The following VAPB variants were observed in gnomAD, a reference collection of about 807,000 sequenced individuals.
VAPB encodes the protein vesicle-associated membrane protein-associated protein B/C.
Under a neutral mutation model 25.6 loss-of-function variants are expected in VAPB, and 7 were observed. The observed-to-expected ratio is 0.27, with a 90% CI of 0.16 to 0.51. VAPB has a LOEUF of 0.51. Among genes scored for constraint, VAPB ranks in the 20% least tolerant of loss-of-function variants. VAPB has a pLI of 0.97. For synonymous variants in VAPB, 112 were observed against 109.2 expected, an observed-to-expected ratio of 1.03 and a Z score of -0.16; for missense variants, 266 against 301.3, an observed-to-expected ratio of 0.88 and a Z score of 0.87.
intron 1 of VAPB, among the ~76,000 whole-genome samples, chr20:58,391,336 A>G (rs927670473): frequency 6.6e-5 from 10 of 152,172 alleles, no homozygotes; most frequent in African/African-American, 2.4e-4. Flanking sequence ...GGACAGGACA[A>G]TGATGTAGGG....
At chr20:58,399,235 G>A (rs964931844) in intron 1 of VAPB, among the ~76,000 whole-genome samples, 19 of 151,932 alleles carry the variant, frequency 1.3e-4, no homozygotes, top group Non-Finnish European at 2.5e-4. Flanking sequence ...GGGAGGTGGA[G>A]GTTGCAGTGA....
rs1211295006 is a variant in VAPB at position 58,449,963 on chromosome 20, T to G, written c.*5728T>G. 2.2e-6 allele frequency: 1 copy of G among 453,838 alleles called. No homozygotes were observed. The highest frequency in any genetic ancestry group is 4.4e-6 in the Non-Finnish European group (1 of 226,766). The allele number at this position is 453,838 out of a possible 1,614,324, so 28.1% of individuals were successfully genotyped here. A position where few individuals can be genotyped will look rare whatever the true frequency, so the allele number is the denominator to read the frequency against. On this transcript the variant is annotated 3_prime_UTR_variant, in exon 6 of 6. Transcript: ENST00000475243. ...TTTTTTCCCTTTGGAAAATGCCAACTAAGGGAGACTAATCAGATATCTTAA... is the reference window on the plus strand; with the variant it reads ...TTTTTTCCCTTTGGAAAATGCCAACGAAGGGAGACTAATCAGATATCTTAA...
At position 58,389,261 on chromosome 20, in the gene VAPB, C is replaced by A. The variant is rs771480765; in HGVS notation, c.-199C>A. On this transcript the variant is annotated 5_prime_UTR_variant, in exon 1 of 6. Coordinates refer to ENST00000475243, the MANE Select transcript of VAPB (RefSeq NM_004738.5). ...GTCAGCTCGCCGGGCACCGCGGCCT[C>A]GCCCTCGCCCTCCGCCCCTGCGCCT... The A allele has an allele frequency of 8.9e-6, 6 of 676,228 alleles. No homozygotes were observed. Among genetic ancestry groups the A allele is most frequent in the Non-Finnish European group, 1.3e-5 (5 of 374,946 alleles). The allele number at this position is 676,228 out of a possible 1,614,324, so 41.9% of individuals were successfully genotyped here.
At chr20:58,393,125 C>G (rs1026377394) in intron 1 of VAPB, among the ~76,000 whole-genome samples, 7 of 152,150 alleles carry the variant, frequency 4.6e-5, no homozygotes, top group African/African-American at 1.7e-4. Context: ...CCTCAAACTC[C>G]TGGGCTCAAG....
intron 1 of VAPB, among the ~76,000 whole-genome samples, chr20:58,409,739 A>G (rs566594124): frequency 6.6e-5 from 10 of 152,196 alleles, no homozygotes; most frequent in South Asian, 6.2e-4. Flanking sequence ...TCAAATTGGT[A>G]TACAACTTAT....
chr20:58,421,289 C>A (rs1476357), intron 2 of VAPB, among the ~76,000 whole-genome samples: 2 of 152,036 alleles, frequency 1.3e-5, no homozygotes, highest in Non-Finnish European at 2.9e-5. Context: ...TACATTTGTA[C>A]GTTCGTTGTT....
Position 58,445,133 on chromosome 20 carries a change from A to G in VAPB, c.*898A>G, listed in dbSNP as rs1256851636. 4.4e-6 allele frequency: 2 copies of G among 454,326 alleles called. No individual in the cohort carries two copies. Among genetic ancestry groups the G allele is most frequent in the East Asian group, 6.9e-5 (1 of 14,392 alleles). 28.1% of individuals were successfully genotyped at this position (454,326 alleles called of 1,614,324 possible). On this transcript the variant is annotated 3_prime_UTR_variant, in exon 6 of 6. Transcript: ENST00000475243. ...GGATGCTGGAGAAGAGCTGCCAGGA[A>G]GTGTTTTTTCTGGGTCAGTAAATAA... is the stretch of plus-strand genomic sequence containing the variant.
chr20:58,448,697 T>C lies in VAPB; in HGVS notation c.*4462T>C, dbSNP rs886618212. On this transcript the variant is annotated 3_prime_UTR_variant, in exon 6 of 6. Transcript: ENST00000475243. ...TCTGCCTCCGTACCTTATTCAGTTA[T>C]TTTCACACTAAAGTAAGTAGAATTA... 2.2e-6 allele frequency: 1 copy of C among 453,658 alleles called. No individual in the cohort carries two copies. Among genetic ancestry groups the C allele is most frequent in the African/African-American group, 2.0e-5 (1 of 49,956 alleles). 28.1% of individuals were successfully genotyped at this position (453,658 alleles called of 1,614,324 possible).
At position 58,440,979 on chromosome 20, in the gene VAPB, C is replaced by G. The variant is rs1359912035; in HGVS notation, c.469C>G (p.Leu157Val). Residue 157 changes from leucine to valine, a missense_variant, in exon 5 of 6, where the codon CTG becomes GTG. By Grantham distance (32) the Leu-to-Val change is conservative. This residue lies in a region of VAPB where 136 missense variants were observed against 130.7 expected (regional missense o/e 1.04). Coordinates refer to ENST00000475243, the MANE Select transcript of VAPB (RefSeq NM_004738.5). The part of the protein sequence containing the change: ...KTETPIVSKS[L>V]SSSLDDTEVK... ...AGAAACACCAATAGTGTCTAAGTCT[C>G]TGAGTTCTTCTTTGGATGACACCGA... 1 of 1,614,086 alleles carries G rather than the reference C, an allele frequency of 6.2e-7. No individual in the cohort carries two copies. The highest frequency in any genetic ancestry group is 8.5e-7 in the Non-Finnish European group (1 of 1,180,022).
Position 58,437,226 on chromosome 20 carries a change from G to C in VAPB, c.316-1719G>C, listed in dbSNP as rs569753374. The stretch of plus-strand genomic sequence containing the variant: ...AGTGATCCTCCTGCCTCTGCCTCTC[G>C]AAGTGCTGGGATTACAGGTGTGAGC... On this transcript the variant is annotated intron_variant, in intron 3 of 5. Coordinates refer to ENST00000475243, the MANE Select transcript of VAPB (RefSeq NM_004738.5). Among the ~76,000 whole-genome samples the C allele has an allele frequency of 2.7e-4, 41 of 151,436 alleles. No individual in the cohort carries two copies. The South Asian group carries it at 3.1e-3, about 12-fold the overall frequency.
intron 2 of VAPB, among the ~76,000 whole-genome samples, chr20:58,433,968 C>T (rs547592214): frequency 6.6e-6 from 1 of 152,242 alleles, no homozygotes; most frequent in East Asian, 1.9e-4. Flanking sequence ...GCACCTCCCT[C>T]CATGCAGTGG....
rs888477023 is a variant in VAPB, at chr20:58,402,016, C to T, written c.58+12499C>T. 2.6e-5 allele frequency among the ~76,000 whole-genome samples: 4 copies of T among 152,256 alleles called. No individual in the cohort carries two copies. The East Asian group carries it at 7.7e-4, about 29-fold the overall frequency. On this transcript the variant is annotated intron_variant, in intron 1 of 5. Coordinates refer to ENST00000475243, the MANE Select transcript of VAPB (RefSeq NM_004738.5). ...TAGCCTCTTAACTGGTCTTCTTGTC[C>T]GAGTCTTCTCTTTCTTTCCACCCTG...
In VAPB at chr20:58,446,261, G is replaced by A. The variant is rs1031026424; in HGVS notation, c.*2026G>A. The A allele has an allele frequency of 2.2e-6, 1 of 454,082 alleles. No homozygotes were observed. 28.1% of individuals were successfully genotyped at this position (454,082 alleles called of 1,614,324 possible). A position where few individuals can be genotyped will look rare whatever the true frequency, so the allele number is the denominator to read the frequency against. On this transcript the variant is annotated 3_prime_UTR_variant, in exon 6 of 6. Coordinates refer to ENST00000475243, the MANE Select transcript of VAPB (RefSeq NM_004738.5). ...GTGAAAAGACCGAGCTGTAAGGCAT[G>A]TGCCTTCTGCCACCTGACTTTCCGT...
intron 4 of VAPB, chr20:58,439,687 C>T (rs1329165557): frequency 1.3e-5 from 2 of 153,646 alleles, no homozygotes; most frequent in East Asian, 3.8e-4. Context: ...ATATCAACCC[C>T]CATTGAGAGT....
chr20:58,407,016 C>T (rs999305792), intron 1 of VAPB, among the ~76,000 whole-genome samples: 1 of 152,018 alleles, frequency 6.6e-6, no homozygotes, highest in Non-Finnish European at 1.5e-5. Flanking sequence ...TGAAAAAATT[C>T]AGTTTATTAA....
intron 2 of VAPB, among the ~76,000 whole-genome samples, chr20:58,425,216 A>T (rs892984073): frequency 1.2e-4 from 18 of 152,194 alleles, no homozygotes; most frequent in Non-Finnish European, 1.9e-4. Flanking sequence ...GTCTTTCTCT[A>T]TGCAGGCTTT....
At chr20:58,401,820 G>A (rs1173360377) in intron 1 of VAPB, among the ~76,000 whole-genome samples, 1 of 152,172 alleles carries the variant, frequency 6.6e-6, no homozygotes, top group Non-Finnish European at 1.5e-5. Context: ...CATGACCCAA[G>A]CTGAACTCTA....
intron 1 of VAPB, among the ~76,000 whole-genome samples, chr20:58,409,597 G>A (rs1003566366): frequency 6.6e-6 from 1 of 152,120 alleles, no homozygotes; most frequent in African/African-American, 2.4e-5. Context: ...GAAAAGGAGA[G>A]ATACTGTACC....
rs374504165 is a variant in VAPB at position 58,427,661 on chromosome 20, C to T, written c.212-6941C>T. 6.1e-5 allele frequency among the ~76,000 whole-genome samples: 9 copies of T among 148,398 alleles called. No homozygotes were observed. The East Asian group carries it at 1.0e-3, about 16-fold the overall frequency. On this transcript the variant is annotated intron_variant, in intron 2 of 5. Coordinates refer to ENST00000475243, the MANE Select transcript of VAPB (RefSeq NM_004738.5). ...TGATCTGTTACCATTATGATGCAGG[C>T]AGAAGTGATCTGTGATCTGTTACCA...
Sources: gnomAD v4.1 joint callset for allele counts (sites outside exome capture counted in the v4.1 genomes callset) on GRCh38, gnomAD v4.1.1 for gene constraint, gnomAD v4.1.1 regional missense constraint, MANE v1.5 for transcripts, NCBI Gene and HGNC (gene_info 2026-07-23, HGNC 2026-07-21) for gene names.